The following CDHR2 variants were observed in gnomAD, a reference collection of about 807,000 sequenced individuals.
CDHR2 encodes cadherin related family member 2.
A neutral mutation model predicts 138.6 loss-of-function variants in CDHR2; 104 were observed. That is an observed-to-expected ratio of 0.75 (90% CI 0.64 to 0.88). CDHR2 has a LOEUF of 0.88. Among genes scored for constraint, CDHR2 ranks in the 40% least tolerant of loss-of-function variants. The pLI is 0.00. For synonymous variants in CDHR2, 755 were observed against 742.8 expected, an observed-to-expected ratio of 1.02 and a Z score of -0.27; for missense variants, 1,624 against 1,727.6, an observed-to-expected ratio of 0.94 and a Z score of 1.06.
chr5:176,591,692 ATGG>A (rs1243862829), intron 30 of CDHR2: 2 of 566,176 alleles, frequency 3.5e-6, no homozygotes, highest in South Asian at 1.9e-5. Flanking sequence ...GACAACAATG[ATGG>A]TGGTGATGAT....
chr5:176,577,438 G>A lies in CDHR2; in HGVS notation c.1234G>A (p.Asp412Asn), dbSNP rs749182757. 6.2e-5 allele frequency: 100 copies of A among 1,610,038 alleles called. No homozygotes were observed. The Middle Eastern group carries it at 1.3e-3, about 21-fold the overall frequency. The change falls in exon 13 of 32, where the codon GAT becomes AAT. Residue 412 changes from aspartate (D) to asparagine (N), a missense_variant. Asp to Asn is a conservative substitution (Grantham distance 23). Coordinates refer to ENST00000261944, the MANE Select transcript of CDHR2 (RefSeq NM_017675.6). ...GTFLLSLGGP[D>N]AEAFSVSPER... ...CTTCCTGTTGTCGCTGGGGGGCCCC[G>A]ATGCAGAAGCCTTCAGCGTCTCCCC... is the stretch of plus-strand genomic sequence containing the variant.
Position 176,592,800 on chromosome 5 carries a change from G to C in CDHR2, c.3792+20G>C. On this transcript the variant is annotated intron_variant, in intron 31 of 31. Coordinates refer to ENST00000261944, the MANE Select transcript of CDHR2 (RefSeq NM_017675.6). ...ATCAAGGCAAGATGGGGGATGAATT[G>C]GTGCCTGGAGGTTCCAACTTGGGTT... The C allele has an allele frequency of 6.2e-7, 1 of 1,610,608 alleles. No homozygotes were observed. The highest frequency in any genetic ancestry group is 1.3e-5 in the African/African-American group (1 of 74,910).
Position 176,543,902 on chromosome 5 carries a change from AC to A in CDHR2, c.-16+1137del, listed in dbSNP as rs1757520396. Among the ~76,000 whole-genome samples, 1 of 152,128 alleles carries A rather than the reference AC, an allele frequency of 6.6e-6. No individual in the cohort carries two copies. Reference sequence around the variant, plus strand: ...ATCGGGAGGGATTACGTTCCCCGCAACCCCTGTGTCCCCATCGCTAGAGCCA... The same window carrying A: ...ATCGGGAGGGATTACGTTCCCCGCAACCCTGTGTCCCCATCGCTAGAGCCA... On this transcript the variant is annotated intron_variant, in intron 1 of 31. Transcript: ENST00000510636. This position sits in a 1 kb window ranked among gnomAD's most constrained non-coding sequence, Gnocchi z 4.0.
chr5:176,564,312 A>G (rs1193327482), intron 1 of CDHR2, among the ~76,000 whole-genome samples: 1 of 152,082 alleles, frequency 6.6e-6, no homozygotes, highest in African/African-American at 2.4e-5. Flanking sequence ...CAGACTCCCG[A>G]GTAGCTGGGA....
Position 176,565,867 on chromosome 5 carries a change from G to A in CDHR2, c.124+124G>A. 7.2e-6 allele frequency: 5 copies of A among 691,480 alleles called. No homozygotes were observed. The South Asian group carries it at 9.0e-5, about 12-fold the overall frequency. The allele number at this position is 691,480 out of a possible 1,614,324, so 42.8% of individuals were successfully genotyped here. On this transcript the variant is annotated intron_variant, in intron 3 of 31. Coordinates refer to ENST00000261944, the MANE Select transcript of CDHR2 (RefSeq NM_017675.6). ...GCTTATTGTGGGACAAAGAGGGACTGAAGGGAGCTCCTTTGATTCCAGAAG... is the reference window on the plus strand; with the variant it reads ...GCTTATTGTGGGACAAAGAGGGACTAAAGGGAGCTCCTTTGATTCCAGAAG...
At chr5:176,550,243 C>T (rs1757675921) in intron 1 of CDHR2, among the ~76,000 whole-genome samples, 1 of 152,230 alleles carries the variant, frequency 6.6e-6, no homozygotes, top group African/African-American at 2.4e-5. Flanking sequence ...AAACTGAGGC[C>T]TGGAGAGGGG....
At chr5:176,547,043 A>G (rs1400625053), upstream of CDHR2, among the ~76,000 whole-genome samples, 6 of 151,114 alleles carry the variant, frequency 4.0e-5, no homozygotes, top group South Asian at 2.1e-4. Flanking sequence ...CAGTGGGACA[A>G]TCTTGGCTCA....
chr5:176,567,171 A>ATT, intron 3 of CDHR2: 1 of 216,108 alleles, frequency 4.6e-6, no homozygotes, highest in African/African-American at 4.2e-5. Context: ...AGTGCACAGG[A>ATT]CTTTTTTTTT....
intron 30 of CDHR2, chr5:176,591,818 T>A (rs377296722): frequency 5.6e-6 from 1 of 178,324 alleles, no homozygotes; most frequent in South Asian, 8.1e-5. Context: ...TGGTGATGGT[T>A]GTGATGGTGA....
chr5:176,577,699 A>G lies in CDHR2; in HGVS notation c.1413A>G (p.Arg471=). ...TCGCCATGGTGACCATCCACCTTAG[A>G]GACATTAATGACCACAGGCCCACGT... is the stretch of plus-strand genomic sequence containing the variant. The part of the protein sequence containing the change: ...FSVAMVTIHL[R]DINDHRPTFP... The change falls in exon 14 of 32, where the codon AGA becomes AGG. Residue 471 remains arginine, a synonymous_variant. Coordinates refer to ENST00000261944, the MANE Select transcript of CDHR2 (RefSeq NM_017675.6). 1 of 1,614,224 alleles carries G rather than the reference A, an allele frequency of 6.2e-7. No individual in the cohort carries two copies. Among genetic ancestry groups the G allele is most frequent in the Non-Finnish European group, 8.5e-7 (1 of 1,180,030 alleles).
intron 17 of CDHR2, among the ~76,000 whole-genome samples, chr5:176,582,004 T>C (rs185541816): frequency 2.2e-4 from 33 of 152,286 alleles, no homozygotes; most frequent in African/African-American, 7.9e-4. Context: ...TACCATTTTG[T>C]TTTTATTTAT....
chr5:176,564,034 C>G (rs1381318578), intron 1 of CDHR2, among the ~76,000 whole-genome samples: 2 of 152,076 alleles, frequency 1.3e-5, no homozygotes, highest in Middle Eastern at 3.2e-3. Context: ...AAAAAGTATA[C>G]AGTAAAAAGC....
intron 24 of CDHR2, 44 bp from the exon 25 acceptor site, chr5:176,590,034 C>T (rs1758803477): frequency 6.6e-7 from 1 of 1,519,724 alleles, no homozygotes. Context: ...GCCACAGGCC[C>T]AGGCTAAGAC....
At chr5:176,567,068 C>A (rs1389074451) in intron 3 of CDHR2, 1 of 455,072 alleles carries the variant, frequency 2.2e-6, no homozygotes, top group African/African-American at 2.0e-5. Context: ...TCCATCACCC[C>A]AGAAAGTTCC....
upstream of CDHR2, among the ~76,000 whole-genome samples, chr5:176,546,316 A>T (rs1048442458): frequency 6.6e-6 from 1 of 152,126 alleles, no homozygotes; most frequent in Non-Finnish European, 1.5e-5. Context: ...CCCATCTGTA[A>T]TGGGGAAAAA....
chr5:176,587,466 T>A (rs1275214235), intron 21 of CDHR2, among the ~76,000 whole-genome samples: 1 of 151,808 alleles, frequency 6.6e-6, no homozygotes, highest in African/African-American at 2.4e-5. Context: ...AATAAATAAA[T>A]AAATAAATTA....
At chr5:176,589,763 G>A (rs1286232299) in intron 24 of CDHR2, 147 bp downstream of exon 24, 3 of 735,832 alleles carry the variant, frequency 4.1e-6, no homozygotes, top group Non-Finnish European at 6.8e-6. Context: ...ACTTTCACCT[G>A]CACGACGTTC....
chr5:176,568,570 C>G (rs12716317), intron 3 of CDHR2, 108 bp from the exon 4 acceptor site: 969,147 of 1,265,250 alleles, frequency 0.77, 375,438 homozygotes, highest in Non-Finnish European at 0.8. Context: ...GCAAGTCAAG[C>G]CTGTGTACAG....
chr5:176,588,424 T>TATGTGA (rs368686158), intron 21 of CDHR2, among the ~76,000 whole-genome samples: 1 of 149,222 alleles, frequency 6.7e-6, no homozygotes. Flanking sequence ...GGTGTGAGTG[T>TATGTGA]GTGTGTCAGG....
Sources: allele counts gnomAD v4.1 joint callset (sites outside exome capture counted in the v4.1 genomes callset), GRCh38; gene constraint gnomAD v4.1.1; non-coding constraint Gnocchi (gnomAD v3.1); transcripts MANE v1.5; gene names NCBI Gene and HGNC (gene_info 2026-07-23, HGNC 2026-07-21).